FILIP1: variants seen among roughly 807,000 people sequenced by gnomAD.
The protein encoded by FILIP1 is filamin A interacting protein 1, also known as filamin-A-interacting protein 1.
FILIP1 carries 61 observed loss-of-function variants against 102.1 expected under a neutral mutation model. The observed-to-expected ratio is 0.60, with a 90% CI of 0.49 to 0.74. FILIP1 has a LOEUF of 0.74. Among genes scored for constraint, FILIP1 ranks in the 30% least tolerant of loss-of-function variants. The pLI is 0.00. For synonymous variants in FILIP1, 491 were observed against 526.9 expected, an observed-to-expected ratio of 0.93 and a Z score of 0.93; for missense variants, 1,314 against 1,441.2, an observed-to-expected ratio of 0.91 and a Z score of 1.43.
intron 2 of FILIP1, chr6:75,398,016 G>A (rs910445613): frequency 1.1e-4 from 16 of 152,120 alleles, no homozygotes; most frequent in Non-Finnish European, 2.2e-4. Flanking sequence ...GTCCATAGAC[G>A]TCCTTTCCTG....
chr6:75,354,943 A>G (rs1774940109), intron 3 of FILIP1, among the ~76,000 whole-genome samples: 1 of 152,218 alleles, frequency 6.6e-6, no homozygotes, highest in African/African-American at 2.4e-5. Flanking sequence ...GATGCTAAAT[A>G]TAGGGAGGAT....
intron 1 of FILIP1, among the ~76,000 whole-genome samples, chr6:75,471,223 T>C (rs1779319657): frequency 1.6e-5 from 2 of 127,754 alleles, no homozygotes; most frequent in South Asian, 2.4e-4. Context: ...CACAGGAGTA[T>C]AAAAGTGAAA....
At position 75,313,000 on chromosome 6, in the gene FILIP1, G is replaced by A; in HGVS notation, c.2832C>T (p.Thr944=). 1 of 1,614,130 alleles carries A rather than the reference G, an allele frequency of 6.2e-7. No individual in the cohort carries two copies. The highest frequency in any genetic ancestry group is 8.5e-7 in the Non-Finnish European group (1 of 1,180,026). ...EFFSSTTVIP[T]LGNQKPRITI... ...TTATTCTTGGTTTCTGATTCCCTAA[G>A]GTAGGAATGACAGTGGTACTAGAAA... The change falls in exon 5 of 6, where the codon ACC becomes ACT. Residue 944 remains threonine, a synonymous_variant. Transcript: ENST00000237172.
chr6:75,352,825 G>A (rs1035679249), intron 4 of FILIP1, among the ~76,000 whole-genome samples: 1 of 151,106 alleles, frequency 6.6e-6, no homozygotes, highest in Non-Finnish European at 1.5e-5. Context: ...CTTTTCAAAT[G>A]TAGGTGCTTC....
chr6:75,359,928 T>G (rs13213208), intron 3 of FILIP1, among the ~76,000 whole-genome samples: 1 of 151,970 alleles, frequency 6.6e-6, no homozygotes, highest in Non-Finnish European at 1.5e-5. Flanking sequence ...GTGGGAAAAA[T>G]TGAGTACCTA....
intron 4 of FILIP1, among the ~76,000 whole-genome samples, chr6:75,323,236 G>A (rs1773722591): frequency 6.6e-6 from 1 of 152,068 alleles, no homozygotes; most frequent in African/African-American, 2.4e-5. Context: ...CTCCAAATGT[G>A]AGTTTAGAAT....
chr6:75,458,686 C>G (rs894408285), intron 1 of FILIP1: 2 of 152,094 alleles, frequency 1.3e-5, no homozygotes, highest in African/African-American at 4.8e-5. Context: ...CTTTTCCCTA[C>G]CCCAAATTTT....
At position 75,437,448 on chromosome 6, in the gene FILIP1, T is replaced by C. The variant is rs148150780; in HGVS notation, c.-6-22470A>G. Reference sequence around the variant, plus strand: ...GTTCATAAGAATATTGGCTTTCTCATCTTCCTCACAATCCTCATTTCAGCA... The same window carrying C: ...GTTCATAAGAATATTGGCTTTCTCACCTTCCTCACAATCCTCATTTCAGCA... On this transcript the variant is annotated intron_variant, in intron 1 of 5. Transcript: ENST00000237172. Among the ~76,000 whole-genome samples, 1,109 of 152,354 alleles carry C rather than the reference T, an allele frequency of 7.3e-3. 8 individuals are homozygous for C. The highest frequency in any genetic ancestry group is 0.017 in the African/African-American group (708 of 41,582).
intron 2 of FILIP1, among the ~76,000 whole-genome samples, chr6:75,387,432 T>C (rs1776137943): frequency 6.6e-6 from 1 of 152,196 alleles, no homozygotes; most frequent in Admixed American, 6.5e-5. Context: ...GGTCAAATGG[T>C]ATTTCTAGTT....
At chr6:75,330,656 T>A (rs546020237) in intron 4 of FILIP1, among the ~76,000 whole-genome samples, 1 of 152,326 alleles carries the variant, frequency 6.6e-6, no homozygotes, top group South Asian at 2.1e-4. Flanking sequence ...CTATTATACA[T>A]CCTATAAATT....
rs1278634542 is a variant in FILIP1 at position 75,314,025 on chromosome 6, T to C, written c.1807A>G (p.Ile603Val). ...GTTATTTCTCTTTCCACTTCCTCTA[T>C]ACCATCAAGTCTCTTCTTTAGTAAG... ...VDLLKKRLDG[I>V]EEVEREITRG... The change falls in exon 5 of 6, where the codon ATA (isoleucine) becomes GTA (valine). Residue 603 changes from isoleucine (I) to valine (V), a missense_variant. Physicochemically the swap from Ile to Val is conservative, Grantham distance 29 (BLOSUM62 3). This residue lies in a region of FILIP1 where 816 missense variants were observed against 913.1 expected (regional missense o/e 0.89). Coordinates refer to ENST00000237172, the MANE Select transcript of FILIP1 (RefSeq NM_015687.5). 2.0e-6 allele frequency: 3 copies of C among 1,537,654 alleles called. No individual in the cohort carries two copies. Among genetic ancestry groups the C allele is most frequent in the African/African-American group, 1.4e-5 (1 of 71,886 alleles).
intron 2 of FILIP1, among the ~76,000 whole-genome samples, chr6:75,396,939 C>T (rs568885528): frequency 6.8e-6 from 1 of 147,294 alleles, no homozygotes; most frequent in African/African-American, 2.5e-5. Context: ...ATGTTACGTT[C>T]TCACTCATAG....
intron 1 of FILIP1, among the ~76,000 whole-genome samples, chr6:75,424,349 T>G (rs1777567486): frequency 6.6e-6 from 1 of 152,172 alleles, no homozygotes; most frequent in Non-Finnish European, 1.5e-5. Flanking sequence ...TCCAATAAAA[T>G]TTTTTCTTTT....
At chr6:75,415,049 A>G in intron 1 of FILIP1, 71 bp from the exon 2 acceptor site, 1 of 1,399,344 alleles carries the variant, frequency 7.1e-7, no homozygotes, top group Non-Finnish European at 9.8e-7. Flanking sequence ...CTAAATACTT[A>G]GAAACTTATA....
chr6:75,455,279 G>A (rs1195135536), intron 1 of FILIP1: 1 of 151,976 alleles, frequency 6.6e-6, no homozygotes, highest in Non-Finnish European at 1.5e-5. Context: ...CAAGGACAGA[G>A]TGCCACTCAA....
chr6:75,452,283 G>A lies in FILIP1; in HGVS notation c.-6-37305C>T, dbSNP rs192682423. ...TTGCCCCCACCCCACAACAGTCCCC[G>A]GTGTGTGATATTCCCCTTCCTGTGT... On this transcript the variant is annotated intron_variant, in intron 1 of 5. Coordinates refer to ENST00000237172, the MANE Select transcript of FILIP1 (RefSeq NM_015687.5). Among the ~76,000 whole-genome samples the A allele has an allele frequency of 9.0e-4, 129 of 143,176 alleles. No individual in the cohort carries two copies. The East Asian group carries it at 0.015, about 16-fold the overall frequency. The allele number at this position is 143,176 out of a possible 152,430, so 93.9% of individuals were successfully genotyped here. A position where few individuals can be genotyped will look rare whatever the true frequency, so the allele number is the denominator to read the frequency against.
At chr6:75,417,801 C>T (rs1777319877) in intron 1 of FILIP1, among the ~76,000 whole-genome samples, 1 of 152,202 alleles carries the variant, frequency 6.6e-6, no homozygotes, top group Non-Finnish European at 1.5e-5. Flanking sequence ...AGGTCGGACA[C>T]TAAATACTAA....
chr6:75,371,835 T>C (rs1775530859), intron 2 of FILIP1, among the ~76,000 whole-genome samples: 1 of 152,182 alleles, frequency 6.6e-6, no homozygotes, highest in Non-Finnish European at 1.5e-5. Flanking sequence ...AATAAAAATG[T>C]AAGAGCTAAA....
chr6:75,392,533 C>T (rs1232718508), intron 2 of FILIP1, among the ~76,000 whole-genome samples: 3 of 152,178 alleles, frequency 2.0e-5, no homozygotes, highest in Non-Finnish European at 4.4e-5. Flanking sequence ...AGGCAAACAA[C>T]CTTGGAGTCA....
Sources: allele counts gnomAD v4.1 joint callset (sites outside exome capture counted in the v4.1 genomes callset), GRCh38; gene constraint gnomAD v4.1.1; regional missense constraint gnomAD v4.1.1; transcripts MANE v1.5; gene names NCBI Gene and HGNC (gene_info 2026-07-23, HGNC 2026-07-21).